The following ENPP6 variants were observed in gnomAD, a reference collection of about 807,000 sequenced individuals.
ENPP6 encodes glycerophosphocholine cholinephosphodiesterase ENPP6.
In ENPP6, 32 loss-of-function variants were observed where a neutral mutation model predicts 42.0. That is an observed-to-expected ratio of 0.76 (90% CI 0.58 to 1.02). ENPP6 has a LOEUF of 1.02. Ranked by LOEUF, ENPP6 falls within the 50% of genes least tolerant of loss-of-function variation. The pLI, the probability that ENPP6 is intolerant of heterozygous loss-of-function variation, is 0.00. For synonymous variants in ENPP6, 213 were observed against 216.0 expected (o/e 0.99, Z 0.12); for missense variants, 552 against 566.8 (o/e 0.97, Z 0.27).
chr4:184,189,687 A>G (rs2111106799), intron 1 of ENPP6, among the ~76,000 whole-genome samples: 1 of 152,318 alleles, frequency 6.6e-6, no homozygotes, highest in Admixed American at 6.5e-5. Flanking sequence ...AACTCCGTGG[A>G]GTCCTTAATG....
chr4:184,112,653 G>C lies in ENPP6; in HGVS notation c.993+19C>G. On this transcript the variant is annotated intron_variant, in intron 6 of 7. Transcript: ENST00000296741. ...TAGAATTTGCATAGAGAATAAATTG[G>C]CACATATTTCATAATTACCTCAGTT... The C allele has an allele frequency of 6.2e-7, 1 of 1,608,570 alleles. No individual in the cohort carries two copies.
At chr4:184,117,693 CTG>C in intron 4 of ENPP6, 64 bp downstream of exon 4, 1 of 1,592,364 alleles carries the variant, frequency 6.3e-7, no homozygotes, top group Non-Finnish European at 8.6e-7. Context: ...ACAGGAGTGA[CTG>C]TGGAGGAGAC....
chr4:184,156,788 G>A lies in ENPP6; in HGVS notation c.242-3055C>T, dbSNP rs1192818690. Among the ~76,000 whole-genome samples, 5 of 152,172 alleles carry A rather than the reference G, an allele frequency of 3.3e-5. No homozygotes were observed. In the East Asian group the frequency reaches 5.8e-4, roughly 18 times the overall value. Reference sequence around the variant, plus strand: ...GAAGGGGGTGGGATATGACACCTTCGGTGTTCATTCCACAGAGTCTTACTC... The same window carrying A: ...GAAGGGGGTGGGATATGACACCTTCAGTGTTCATTCCACAGAGTCTTACTC... On this transcript the variant is annotated intron_variant, in intron 1 of 7. Coordinates refer to ENST00000296741, the MANE Select transcript of ENPP6 (RefSeq NM_153343.4).
At chr4:184,132,979 C>A (rs190817258) in intron 2 of ENPP6, among the ~76,000 whole-genome samples, 125 of 152,074 alleles carry the variant, frequency 8.2e-4, no homozygotes, top group African/African-American at 2.8e-3. Flanking sequence ...GAATTTCTGA[C>A]CTTTACCCTT....
chr4:184,112,711 A>G lies in ENPP6; in HGVS notation c.954T>C (p.Pro318=), dbSNP rs753590688. 6.8e-6 allele frequency: 11 copies of G among 1,614,202 alleles called. No homozygotes were observed. The South Asian group carries it at 7.7e-5, about 11-fold the overall frequency. ...FYYKKGKFVS[P]LTLVADEGWF... ...AGCCTTCATCAGCCACTAAAGTCAA[A>G]GGAGAGACAAACTTTCCTTTCTTGT... Residue 318 remains proline, a synonymous_variant, in exon 6 of 8, where the codon CCT becomes CCC. Transcript: ENST00000296741.
In ENPP6 at chr4:184,097,345, C is replaced by T. The variant is rs1203764186; in HGVS notation, c.1017G>A (p.Trp339Ter). The T allele has an allele frequency of 6.2e-7, 1 of 1,614,166 alleles. No individual in the cohort carries two copies. ...ITENREMLPF[W>*]MNSTGRREGW... is the part of the protein sequence containing the mutation. ...CTTCCCGCCTGCCGGTGCTGTTCAT[C>T]CAAAACGGAAGCATCTCTCGATTCT... is the stretch of plus-strand genomic sequence containing the variant. Residue 339 changes from tryptophan to a stop codon, truncating the protein, a stop_gained, in exon 7 of 8, where the codon TGG (tryptophan) becomes TGA (stop). Coordinates refer to ENST00000296741, the MANE Select transcript of ENPP6 (RefSeq NM_153343.4). LOFTEE classifies it high-confidence loss of function.
chr4:184,169,410 G>A (rs905395107), intron 1 of ENPP6, among the ~76,000 whole-genome samples: 5 of 152,206 alleles, frequency 3.3e-5, no homozygotes, highest in African/African-American at 1.2e-4. Flanking sequence ...AGGGCCGCGG[G>A]GAGGGCAGCA....
chr4:184,131,254 CT>C (rs1339338596), intron 2 of ENPP6, among the ~76,000 whole-genome samples: 68 of 8,276 alleles, frequency 8.2e-3, no homozygotes, highest in Non-Finnish European at 0.013. Flanking sequence ...CTTTCTTTCT[CT>C]TTCTCTTCCT....
At chr4:184,128,956 T>C (rs1736549892) in intron 2 of ENPP6, among the ~76,000 whole-genome samples, 1 of 152,194 alleles carries the variant, frequency 6.6e-6, no homozygotes. Flanking sequence ...TCTAACTGCC[T>C]ATAAATTAAA....
At chr4:184,110,307 A>G (rs1579613229) in intron 6 of ENPP6, among the ~76,000 whole-genome samples, 1 of 152,260 alleles carries the variant, frequency 6.6e-6, no homozygotes, top group East Asian at 1.9e-4. Context: ...AAGCTGACCC[A>G]AGGCAGGAAT....
chr4:184,132,167 T>C (rs11937398), intron 2 of ENPP6, among the ~76,000 whole-genome samples: 3,944 of 152,220 alleles, frequency 0.026, 168 homozygotes, highest in African/African-American at 0.091. Context: ...CAATCTCAAC[T>C]GGAAACCCCC....
At chr4:184,170,126 C>T (rs551584204) in intron 1 of ENPP6, among the ~76,000 whole-genome samples, 13 of 152,296 alleles carry the variant, frequency 8.5e-5, no homozygotes, top group African/African-American at 2.4e-4. Context: ...CTGTGAAATT[C>T]GTTTATTTGA....
At chr4:184,198,290 A>C (rs1161403701) in intron 1 of ENPP6, among the ~76,000 whole-genome samples, 6 of 152,206 alleles carry the variant, frequency 3.9e-5, no homozygotes, top group Admixed American at 3.9e-4. Context: ...CTGAGTAAGC[A>C]CTGGTCCCCA....
intron 1 of ENPP6, chr4:184,216,987 T>A (rs1733206652): frequency 1.3e-5 from 2 of 152,050 alleles, no homozygotes; most frequent in African/African-American, 2.4e-5. Context: ...AGCTTTTTCT[T>A]CTCCGTATCA....
At chr4:184,116,732 T>G (rs1408728805) in intron 5 of ENPP6, 124 bp downstream of exon 5, 7 of 1,348,548 alleles carry the variant, frequency 5.2e-6, no homozygotes, top group Non-Finnish European at 7.1e-6. Context: ...AAACTCTGCC[T>G]CAAAAAAAGA....
chr4:184,200,278 A>G (rs1732870546), intron 1 of ENPP6, among the ~76,000 whole-genome samples: 1 of 152,180 alleles, frequency 6.6e-6, no homozygotes, highest in Non-Finnish European at 1.5e-5. Context: ...CAGCGTCCCA[A>G]GGACGTCCGG....
intron 6 of ENPP6, among the ~76,000 whole-genome samples, chr4:184,110,083 G>A (rs537699664): frequency 1.3e-5 from 2 of 152,174 alleles, no homozygotes; most frequent in Non-Finnish European, 2.9e-5. Context: ...GAAGGAGGAC[G>A]TGTCCTCAGA....
intron 1 of ENPP6, among the ~76,000 whole-genome samples, chr4:184,172,167 G>GA (rs1180835622): frequency 2.6e-5 from 4 of 152,130 alleles, no homozygotes; most frequent in Admixed American, 2.6e-4. Context: ...TGGTGTCGCA[G>GA]AAAAAGGTAG....
intron 6 of ENPP6, among the ~76,000 whole-genome samples, chr4:184,100,258 T>G (rs1465224775): frequency 6.6e-6 from 1 of 152,210 alleles, no homozygotes; most frequent in African/African-American, 2.4e-5. Context: ...CAGCCATGAT[T>G]TCCTTCTTTT....
Sources: allele counts gnomAD v4.1 joint callset (sites outside exome capture counted in the v4.1 genomes callset), GRCh38; gene constraint gnomAD v4.1.1; transcripts MANE v1.5; gene names NCBI Gene and HGNC (gene_info 2026-07-23, HGNC 2026-07-21).